The following FAM3B variants were observed in gnomAD, a reference collection of about 807,000 sequenced individuals.
FAM3B encodes the protein protein FAM3B.
In FAM3B, 29 loss-of-function variants were observed where a neutral mutation model predicts 28.4. That is an observed-to-expected ratio of 1.02 (90% CI 0.76 to 1.39). The LOEUF is 1.39. FAM3B is among the 40% of genes most tolerant of loss of function. The probability of loss-of-function intolerance (pLI) is 0.00; values close to 1 mark genes in which losing one functional copy is unlikely to be tolerated. For missense variants in FAM3B, 266 were observed against 293.9 expected, an observed-to-expected ratio of 0.91 and a Z score of 0.69; for synonymous variants, 91 against 103.0, an observed-to-expected ratio of 0.88 and a Z score of 0.71.
chr21:41,333,893 T>A (rs2088929063), intron 2 of FAM3B, among the ~76,000 whole-genome samples: 1 of 152,164 alleles, frequency 6.6e-6, no homozygotes, highest in South Asian at 2.1e-4. Flanking sequence ...GTTGATGAAG[T>A]CTCAGATGGA....
At chr21:41,311,502 T>C (rs1237937833) in intron 1 of FAM3B, among the ~76,000 whole-genome samples, 1 of 151,332 alleles carries the variant, frequency 6.6e-6, no homozygotes, top group East Asian at 1.9e-4. Context: ...AATATATTAA[T>C]TCACTTAGAA....
chr21:41,332,269 A>G (rs1304396440), intron 2 of FAM3B, among the ~76,000 whole-genome samples: 2 of 152,232 alleles, frequency 1.3e-5, no homozygotes, highest in East Asian at 3.8e-4. Flanking sequence ...AGATGCCAGT[A>G]CCAAGCTTTC....
At chr21:41,329,382 C>T (rs76716490) in intron 2 of FAM3B, among the ~76,000 whole-genome samples, 7,466 of 152,234 alleles carry the variant, frequency 0.049, 451 homozygotes, top group African/African-American at 0.14. Context: ...CTTTGTCCAG[C>T]ATCTCTGTGC....
chr21:41,354,007 A>T (rs2089143358), intron 7 of FAM3B, among the ~76,000 whole-genome samples: 1 of 152,236 alleles, frequency 6.6e-6, no homozygotes, highest in African/African-American at 2.4e-5. Flanking sequence ...AAAAGAAGAC[A>T]TCCATGTGGC....
chr21:41,346,667 C>T (rs2089063448), intron 5 of FAM3B, among the ~76,000 whole-genome samples: 1 of 151,898 alleles, frequency 6.6e-6, no homozygotes, highest in African/African-American at 2.4e-5. Flanking sequence ...GATCTCATTT[C>T]TAAGGAGGGT....
rs2089176527 is a variant in FAM3B, at chr21:41,357,364, T to A, written c.*167T>A. 6.6e-6 allele frequency: 3 copies of A among 453,700 alleles called. No homozygotes were observed. Among genetic ancestry groups the A allele is most frequent in the Admixed American group, 8.1e-5 (2 of 24,684 alleles). The allele number at this position is 453,700 out of a possible 1,614,324, so 28.1% of individuals were successfully genotyped here. ...TATCAAATCTTGGTACGCAGTATTTTTATACCAGTATTTTATGTAGTGAAG... is the reference window on the plus strand; with the variant it reads ...TATCAAATCTTGGTACGCAGTATTTATATACCAGTATTTTATGTAGTGAAG... On this transcript the variant is annotated 3_prime_UTR_variant, in exon 8 of 8. Coordinates refer to ENST00000357985, the MANE Select transcript of FAM3B (RefSeq NM_058186.4).
chr21:41,333,892 G>T (rs1046962536), intron 2 of FAM3B, among the ~76,000 whole-genome samples: 62 of 152,178 alleles, frequency 4.1e-4, no homozygotes, highest in African/African-American at 1.5e-3. Flanking sequence ...GGTTGATGAA[G>T]TCTCAGATGG....
chr21:41,321,622 T>G (rs1227513710), intron 1 of FAM3B, among the ~76,000 whole-genome samples: 3 of 152,220 alleles, frequency 2.0e-5, no homozygotes, highest in African/African-American at 4.8e-5. Context: ...AAAATGGTGT[T>G]GAAATATGCA....
At chr21:41,308,730 G>T (rs960521242) in intron 1 of FAM3B, among the ~76,000 whole-genome samples, 1 of 151,864 alleles carries the variant, frequency 6.6e-6, no homozygotes, top group Non-Finnish European at 1.5e-5. Context: ...GTAGAGACAG[G>T]GTTTCGCCAT....
chr21:41,344,907 C>A (rs1458910018), intron 4 of FAM3B, among the ~76,000 whole-genome samples: 1 of 152,226 alleles, frequency 6.6e-6, no homozygotes, highest in African/African-American at 2.4e-5. Flanking sequence ...TAGACCATCT[C>A]ATCCTTCTGT....
chr21:41,336,128 A>G (rs763027698), intron 2 of FAM3B, among the ~76,000 whole-genome samples: 3 of 152,200 alleles, frequency 2.0e-5, no homozygotes, highest in Admixed American at 1.3e-4. Flanking sequence ...CGTTTCCACC[A>G]TGTCAGGACA....
Position 41,347,233 on chromosome 21 carries a change from G to T in FAM3B, c.485+133G>T, listed in dbSNP as rs1365295702. The T allele has an allele frequency of 4.1e-6, 3 of 737,792 alleles. No homozygotes were observed. The African/African-American group carries it at 5.3e-5, about 13-fold the overall frequency. 45.7% of individuals were successfully genotyped at this position (737,792 alleles called of 1,614,324 possible). A position where few individuals can be genotyped will look rare whatever the true frequency, so the allele number is the denominator to read the frequency against. ...AGCAAAGTACTTCTCTAAGGAAAAA[G>T]AATGAAAGATCATGACAAAATAGAT... On this transcript the variant is annotated intron_variant, in intron 6 of 7. Transcript: ENST00000357985.
intron 5 of FAM3B, 121 bp from the exon 6 acceptor site, chr21:41,346,892 C>T (rs753130055): frequency 2.2e-5 from 19 of 845,124 alleles, no homozygotes; most frequent in African/African-American, 1.2e-4. Context: ...GAGCAGCGAG[C>T]GCTGGGACCC....
At chr21:41,328,091 A>G (rs1457691006) in intron 2 of FAM3B, among the ~76,000 whole-genome samples, 5 of 152,218 alleles carry the variant, frequency 3.3e-5, no homozygotes, top group Non-Finnish European at 7.3e-5. Context: ...TAAACGAACC[A>G]TGGAGCTGTC....
chr21:41,349,640 C>T (rs1199536400), intron 7 of FAM3B, among the ~76,000 whole-genome samples: 1 of 152,162 alleles, frequency 6.6e-6, no homozygotes, highest in Admixed American at 6.5e-5. Context: ...GCAACAGAAG[C>T]AGCTCGGCAT....
At position 41,357,334 on chromosome 21, in the gene FAM3B, A is replaced by G; in HGVS notation, c.*137A>G. ...TGTTGTAAACCAATGAACATTTGCT[A>G]GTTGTATCAAATCTTGGTACGCAGT... On this transcript the variant is annotated 3_prime_UTR_variant, in exon 8 of 8. Transcript: ENST00000357985. The G allele has an allele frequency of 2.2e-6, 1 of 462,716 alleles. No homozygotes were observed. The highest frequency in any genetic ancestry group is 3.9e-6 in the Non-Finnish European group (1 of 256,944). The allele number at this position is 462,716 out of a possible 1,614,324, so 28.7% of individuals were successfully genotyped here.
intron 7 of FAM3B, among the ~76,000 whole-genome samples, chr21:41,351,327 G>A (rs1340014408): frequency 6.6e-6 from 1 of 152,152 alleles, no homozygotes; most frequent in Non-Finnish European, 1.5e-5. Context: ...GGCTCCAAGT[G>A]AATTTCAGGA....
chr21:41,327,686 C>T (rs1025210828), intron 2 of FAM3B, among the ~76,000 whole-genome samples: 2 of 152,214 alleles, frequency 1.3e-5, no homozygotes, highest in African/African-American at 2.4e-5. Context: ...CTCTTTGCCT[C>T]GTTTGTGGAG....
intron 7 of FAM3B, among the ~76,000 whole-genome samples, chr21:41,356,617 A>G (rs1041724058): frequency 1.3e-5 from 2 of 152,234 alleles, no homozygotes; most frequent in Admixed American, 6.5e-5. Context: ...ACTCCACTGG[A>G]CAGGTAGATT....
Sources: gnomAD v4.1 joint callset for allele counts (sites outside exome capture counted in the v4.1 genomes callset) on GRCh38, gnomAD v4.1.1 for gene constraint, MANE v1.5 for transcripts, NCBI Gene and HGNC (gene_info 2026-07-23, HGNC 2026-07-21) for gene names.